Variants in MSI2 observed in about 807,000 individuals in gnomAD.
The protein encoded by MSI2 is musashi RNA binding protein 2, also known as RNA-binding protein Musashi homolog 2.
Under a neutral mutation model 45.6 loss-of-function variants are expected in MSI2, and 17 were observed. The ratio of observed to expected loss-of-function variants is 0.37; its 90% CI spans 0.26 to 0.56. The LOEUF is 0.56. Ranked by LOEUF, MSI2 falls within the 20% of genes least tolerant of loss-of-function variation. The probability of loss-of-function intolerance (pLI) is 0.77; values close to 1 mark genes in which losing one functional copy is unlikely to be tolerated. For synonymous variants in MSI2, 156 were observed against 158.2 expected, an observed-to-expected ratio of 0.99 and a Z score of 0.11; for missense variants, 293 against 444.2, an observed-to-expected ratio of 0.66 and a Z score of 3.06.
chr17:57,283,038 T>C lies in MSI2; in HGVS notation c.312+20846T>C, dbSNP rs370422657. 1.6e-4 allele frequency among the ~76,000 whole-genome samples: 24 copies of C among 152,266 alleles called. No homozygotes were observed. In the East Asian group the frequency reaches 4.6e-3, roughly 29 times the overall value. On this transcript the variant is annotated intron_variant, in intron 5 of 13. Coordinates refer to ENST00000284073, the MANE Select transcript of MSI2 (RefSeq NM_138962.4). The stretch of plus-strand genomic sequence containing the variant: ...CTGTGACGAGAGTTGTATTTAATTT[T>C]AAATTGCCCATGTCCAGTAACCCTC...
At chr17:57,347,599 A>T (rs887692183) in intron 5 of MSI2, among the ~76,000 whole-genome samples, 1 of 151,890 alleles carries the variant, frequency 6.6e-6, no homozygotes, top group Admixed American at 6.6e-5. Flanking sequence ...CTTATATTGG[A>T]GTTGTTCTGT....
At chr17:57,671,455 G>C (rs915345881) in intron 11 of MSI2, 1 of 152,176 alleles carries the variant, frequency 6.6e-6, no homozygotes, top group African/African-American at 2.4e-5. Flanking sequence ...GCTGATCCTG[G>C]TATATGGGAC....
chr17:57,656,621 C>T (rs1911609606), intron 11 of MSI2, among the ~76,000 whole-genome samples: 1 of 152,146 alleles, frequency 6.6e-6, no homozygotes, highest in African/African-American at 2.4e-5. Flanking sequence ...TGAATCATTG[C>T]TATTTGTTCT....
chr17:57,413,342 G>GAAGAGGGAATCTTGGCTTATCAAGA (rs1226729362), intron 6 of MSI2, among the ~76,000 whole-genome samples: 2 of 149,806 alleles, frequency 1.3e-5, no homozygotes, highest in African/African-American at 5.1e-5. Flanking sequence ...ATTTTGGTGG[G>GAAGAGGGAATCTTGGCTTATCAAGA]ATGTACCTCG....
intron 10 of MSI2, among the ~76,000 whole-genome samples, chr17:57,634,284 G>A (rs986155613): frequency 1.3e-5 from 2 of 152,146 alleles, no homozygotes; most frequent in Non-Finnish European, 2.9e-5. Flanking sequence ...TAGCTAACAT[G>A]GTGAAACCCC....
chr17:57,512,089 A>G (rs2086368114), intron 6 of MSI2, among the ~76,000 whole-genome samples: 1 of 152,210 alleles, frequency 6.6e-6, no homozygotes, highest in Non-Finnish European at 1.5e-5. Context: ...ATGAATGACT[A>G]AAAACTGGGC....
At chr17:57,557,661 CTTT>C (rs1392193583) in intron 7 of MSI2, among the ~76,000 whole-genome samples, 1 of 152,222 alleles carries the variant, frequency 6.6e-6, no homozygotes, top group East Asian at 1.9e-4. Context: ...CAAGGCAAGG[CTTT>C]CTGCGTGGAA....
At chr17:57,701,113 G>C in the MSI2 span, among the ~76,000 whole-genome samples, 1 of 152,122 alleles carries the variant, frequency 6.6e-6, no homozygotes, top group Admixed American at 6.5e-5. Context: ...AGGTGGTCAG[G>C]GGGAGACCAG....
intron 5 of MSI2, among the ~76,000 whole-genome samples, chr17:57,368,448 C>T (rs1020677888): frequency 3.3e-5 from 5 of 151,986 alleles, no homozygotes; most frequent in East Asian, 3.9e-4. Context: ...CCCAGCTACT[C>T]GGGAGACTGA....
intron 5 of MSI2, among the ~76,000 whole-genome samples, chr17:57,345,855 T>C (rs1198203881): frequency 6.6e-6 from 1 of 152,140 alleles, no homozygotes; most frequent in Non-Finnish European, 1.5e-5. Flanking sequence ...TGCCTGACTT[T>C]ATTCCAATTT....
intron 7 of MSI2, among the ~76,000 whole-genome samples, chr17:57,585,803 G>T (rs1014613763): frequency 1.3e-5 from 2 of 152,254 alleles, no homozygotes; most frequent in Non-Finnish European, 2.9e-5. Context: ...TGCTCCCGCA[G>T]TTGGAGCTCG....
intron 6 of MSI2, among the ~76,000 whole-genome samples, chr17:57,475,323 CAGAT>C (rs1293019857): frequency 6.6e-6 from 1 of 152,114 alleles, no homozygotes; most frequent in Non-Finnish European, 1.5e-5. Flanking sequence ...TTTGGATGGA[CAGAT>C]GGTGGGAACG....
chr17:57,487,073 G>A (rs1353522719), intron 6 of MSI2, among the ~76,000 whole-genome samples: 2 of 152,232 alleles, frequency 1.3e-5, no homozygotes, highest in East Asian at 3.8e-4. Context: ...ATTTCAGCAG[G>A]CAGAGGCAGG....
At chr17:57,345,251 G>T (rs1402290645) in intron 5 of MSI2, among the ~76,000 whole-genome samples, 1 of 151,932 alleles carries the variant, frequency 6.6e-6, no homozygotes, top group Non-Finnish European at 1.5e-5. Context: ...CAGTTTCAGG[G>T]TTTTCTTCCT....
At chr17:57,649,233 A>AT (rs1223946910) in intron 10 of MSI2, among the ~76,000 whole-genome samples, 1 of 152,108 alleles carries the variant, frequency 6.6e-6, no homozygotes, top group Non-Finnish European at 1.5e-5. Context: ...CAATACATAC[A>AT]TACACTCAAC....
chr17:57,573,566 G>A (rs758490153), intron 7 of MSI2, among the ~76,000 whole-genome samples: 9 of 152,228 alleles, frequency 5.9e-5, no homozygotes, highest in Non-Finnish European at 1.0e-4. Flanking sequence ...CATAGAGTGA[G>A]GCTGGGGATC....
intron 7 of MSI2, among the ~76,000 whole-genome samples, chr17:57,550,133 G>A (rs75825980): frequency 0.021 from 3,138 of 152,288 alleles, 159 homozygotes; most frequent in Admixed American, 0.12. Flanking sequence ...CAATAGGATC[G>A]AGAATAGCTG....
chr17:57,690,163 T>A, the MSI2 span, among the ~76,000 whole-genome samples: 1 of 152,058 alleles, frequency 6.6e-6, no homozygotes, highest in African/African-American at 2.4e-5. Context: ...TTTTTTTTTT[T>A]TTTTAGTCAT....
intron 6 of MSI2, among the ~76,000 whole-genome samples, chr17:57,495,628 A>G (rs113015795): frequency 0.015 from 2,249 of 151,466 alleles, 46 homozygotes; most frequent in African/African-American, 0.052. Context: ...TCCATGTCCA[A>G]TTCTCCATGT....
Sources: gnomAD v4.1 joint callset for allele counts (sites outside exome capture counted in the v4.1 genomes callset) on GRCh38, gnomAD v4.1.1 for gene constraint, MANE v1.5 for transcripts, NCBI Gene and HGNC (gene_info 2026-07-23, HGNC 2026-07-21) for gene names.